Variants in ASPH observed in about 807,000 individuals in gnomAD.
ASPH encodes aspartyl/asparaginyl beta-hydroxylase.
ASPH carries 100 observed loss-of-function variants against 118.4 expected under a neutral mutation model. The ratio of observed to expected loss-of-function variants is 0.84; its 90% CI spans 0.72 to 1.00. The LOEUF (loss-of-function observed/expected upper bound fraction) is 1.00, where lower values mean the gene tolerates loss of function less well. ASPH is among the 50% of genes least tolerant of loss of function. ASPH has a pLI of 0.00. For missense variants in ASPH, 920 were observed against 919.5 expected (o/e 1.00, Z -0.01); for synonymous variants, 315 against 325.6 (o/e 0.97, Z 0.35).
chr8:61,514,874 A>T (rs1810292469), intron 24 of ASPH, among the ~76,000 whole-genome samples: 1 of 151,552 alleles, frequency 6.6e-6, no homozygotes, highest in African/African-American at 2.4e-5. Context: ...TCCTAAGTGG[A>T]TTTTTCTCTA....
At chr8:61,684,536 G>A (rs1829628552) in intron 1 of ASPH, 1 of 174,640 alleles carries the variant, frequency 5.7e-6, no homozygotes, top group Non-Finnish European at 1.2e-5. Context: ...ACATAAAAAT[G>A]TAGCCAAATC....
rs571960968 is a variant in ASPH at position 61,548,944 on chromosome 8, T to C, written c.1627-736A>G. 1.1e-4 allele frequency among the ~76,000 whole-genome samples: 16 copies of C among 152,330 alleles called. 1 individual carries two copies. Among genetic ancestry groups the C allele is most frequent in the Non-Finnish European group, 1.9e-4 (13 of 68,036 alleles). ...GCTGGCTACGGAGCATGACGCTCTT[T>C]ATGGCTCCTTTAAATGATGCCCTCA... On this transcript the variant is annotated intron_variant, in intron 20 of 24. Coordinates refer to ENST00000379454, the MANE Select transcript of ASPH (RefSeq NM_004318.4).
At chr8:61,682,559 T>C in intron 2 of ASPH, 1 of 1,343,056 alleles carries the variant, frequency 7.4e-7, no homozygotes, top group Non-Finnish European at 1.1e-6. Flanking sequence ...TCTTTTAAGA[T>C]ACATTCCCTA....
At chr8:61,562,399 G>C (rs928410591) in intron 18 of ASPH, among the ~76,000 whole-genome samples, 2 of 149,084 alleles carry the variant, frequency 1.3e-5, no homozygotes, top group African/African-American at 4.9e-5. Flanking sequence ...CTGTGTGTGT[G>C]TGTGTGTGTG....
intron 14 of ASPH, among the ~76,000 whole-genome samples, chr8:61,602,563 C>G (rs751900107): frequency 2.6e-5 from 4 of 151,406 alleles, no homozygotes; most frequent in Non-Finnish European, 2.9e-5. Flanking sequence ...GATGTCCATG[C>G]ATAACTTCTT....
rs1167512381 is a variant in ASPH at position 61,593,993 on chromosome 8, G to T, written c.977-9964C>A. Among the ~76,000 whole-genome samples, 3 of 152,196 alleles carry T rather than the reference G, an allele frequency of 2.0e-5. No individual in the cohort carries two copies. In the East Asian group the frequency reaches 5.8e-4, roughly 29 times the overall value. ...ATGGAGTGAGGGTTGTTTGAAGCAG[G>T]TATATACTCAGCAGCGGATACAAGC... On this transcript the variant is annotated intron_variant, in intron 14 of 24. Transcript: ENST00000379454.
intron 14 of ASPH, among the ~76,000 whole-genome samples, chr8:61,610,682 A>G (rs1847033804): frequency 6.6e-6 from 1 of 152,200 alleles, no homozygotes; most frequent in Non-Finnish European, 1.5e-5. Flanking sequence ...TTATTATGCT[A>G]TTGCTACATT....
chr8:61,599,181 T>C (rs889094155), intron 14 of ASPH, among the ~76,000 whole-genome samples: 2 of 151,540 alleles, frequency 1.3e-5, no homozygotes, highest in Non-Finnish European at 1.5e-5. Context: ...AAAAAAAAAT[T>C]ACAAAAGTTC....
chr8:61,662,090 G>A (rs1348775547), intron 3 of ASPH, among the ~76,000 whole-genome samples: 1 of 152,080 alleles, frequency 6.6e-6, no homozygotes, highest in Non-Finnish European at 1.5e-5. Context: ...TGATGTAAGT[G>A]CTTCAAAAGG....
chr8:61,522,157 C>CA (rs1183827545), intron 22 of ASPH, among the ~76,000 whole-genome samples: 1 of 152,158 alleles, frequency 6.6e-6, no homozygotes, highest in Non-Finnish European at 1.5e-5. Flanking sequence ...TTTTGGGGAA[C>CA]AAAATCATTA....
At chr8:61,693,748 T>C (rs928448140) in intron 1 of ASPH, among the ~76,000 whole-genome samples, 4 of 152,190 alleles carry the variant, frequency 2.6e-5, no homozygotes, top group African/African-American at 9.6e-5. Context: ...GTAGTTCTCT[T>C]ATTTCTGCTT....
At chr8:61,571,188 G>T (rs1481366986) in intron 16 of ASPH, among the ~76,000 whole-genome samples, 1 of 151,990 alleles carries the variant, frequency 6.6e-6, no homozygotes. Flanking sequence ...AATTTACCAT[G>T]GCTAAATTTT....
intron 14 of ASPH, among the ~76,000 whole-genome samples, chr8:61,603,914 T>C (rs73265184): frequency 0.017 from 2,522 of 152,316 alleles, 65 homozygotes; most frequent in African/African-American, 0.058. Flanking sequence ...ACAGATCTAA[T>C]TTGGAATGAG....
intron 17 of ASPH, among the ~76,000 whole-genome samples, chr8:61,566,579 G>A (rs1326487637): frequency 4.6e-5 from 7 of 152,234 alleles, no homozygotes; most frequent in African/African-American, 1.7e-4. Context: ...CTGTCAAACA[G>A]CACTTCAAAC....
chr8:61,578,243 G>A, intron 15 of ASPH: 4 of 1,578,740 alleles, frequency 2.5e-6, no homozygotes, highest in Non-Finnish European at 3.4e-6. Context: ...TGATCCAGAA[G>A]TCCTACAAGG....
At chr8:61,644,663 C>T (rs368947899) in intron 6 of ASPH, 31 bp from the exon 7 acceptor site, 1 of 1,552,392 alleles carries the variant, frequency 6.4e-7, no homozygotes, top group East Asian at 2.3e-5. Flanking sequence ...TTGATATTTA[C>T]TGCTTTTACA....
intron 15 of ASPH, among the ~76,000 whole-genome samples, chr8:61,577,291 C>A (rs1835510283): frequency 6.6e-6 from 1 of 150,782 alleles, no homozygotes; most frequent in Admixed American, 6.6e-5. Context: ...ATGTAACAAA[C>A]CTGCACATGG....
At chr8:61,702,239 A>C (rs1309745164) in intron 1 of ASPH, among the ~76,000 whole-genome samples, 2 of 151,752 alleles carry the variant, frequency 1.3e-5, no homozygotes, top group Non-Finnish European at 2.9e-5. Context: ...TTGGGGTAAA[A>C]TGACAAAAAG....
intron 1 of ASPH, among the ~76,000 whole-genome samples, chr8:61,689,011 A>T (rs547741540): frequency 1.3e-5 from 2 of 152,190 alleles, no homozygotes; most frequent in Admixed American, 1.3e-4. Flanking sequence ...TCATACATCT[A>T]TTCTTTTCTT....
Sources: allele counts gnomAD v4.1 joint callset (sites outside exome capture counted in the v4.1 genomes callset), GRCh38; gene constraint gnomAD v4.1.1; transcripts MANE v1.5; gene names NCBI Gene and HGNC (gene_info 2026-07-23, HGNC 2026-07-21).